Variants in GCM1 observed in about 807,000 individuals in gnomAD.
GCM1 encodes the protein GCM transcription factor 1, also known as chorion-specific transcription factor GCMa.
In GCM1, 2 loss-of-function variants were observed where a neutral mutation model predicts 25.7. That is an observed-to-expected ratio of 0.08 (90% CI 0.03 to 0.24). GCM1 has a LOEUF of 0.24. Among genes scored for constraint, GCM1 ranks in the 10% least tolerant of loss-of-function variants. The pLI, the probability that GCM1 is intolerant of heterozygous loss-of-function variation, is 1.00. For missense variants in GCM1, 395 were observed against 538.7 expected (o/e 0.73, Z 2.64); for synonymous variants, 183 against 195.7 (o/e 0.94, Z 0.54).
chr6:53,135,066 C>T (rs1430596168), intron 2 of GCM1, among the ~76,000 whole-genome samples: 1 of 152,172 alleles, frequency 6.6e-6, no homozygotes, highest in Non-Finnish European at 1.5e-5. Flanking sequence ...TGACTGAAAG[C>T]GTCTCTGTTA....
intron 2 of GCM1, among the ~76,000 whole-genome samples, chr6:53,138,668 T>C (rs1763833648): frequency 6.6e-6 from 1 of 152,244 alleles, no homozygotes; most frequent in Non-Finnish European, 1.5e-5. Context: ...TCTTTGTTTT[T>C]CCTCTTAGTT....
At chr6:53,141,504 G>T (rs759425669) in intron 2 of GCM1, among the ~76,000 whole-genome samples, 2 of 151,842 alleles carry the variant, frequency 1.3e-5, no homozygotes, top group Non-Finnish European at 2.9e-5. Flanking sequence ...TGGCTAACAC[G>T]GTGAAACCCT....
chr6:53,136,424 C>T (rs1763801125), intron 2 of GCM1, among the ~76,000 whole-genome samples: 1 of 152,170 alleles, frequency 6.6e-6, no homozygotes, highest in Non-Finnish European at 1.5e-5. Flanking sequence ...GCCTCTGTTT[C>T]CTGCTCTGTA....
intron 2 of GCM1, among the ~76,000 whole-genome samples, chr6:53,143,022 T>C (rs937620073): frequency 9.9e-5 from 15 of 152,254 alleles, no homozygotes; most frequent in African/African-American, 3.6e-4. Context: ...ATCTAATGTC[T>C]GGAAATCTTT....
In GCM1 at chr6:53,128,953, A is replaced by G; in HGVS notation, c.571-7T>C. 2 of 1,608,048 alleles carry G rather than the reference A, an allele frequency of 1.2e-6. No homozygotes were observed. Among genetic ancestry groups the G allele is most frequent in the Non-Finnish European group, 8.5e-7 (1 of 1,176,782 alleles). On this transcript the variant is annotated splice_polypyrimidine_tract_variant and splice_region_variant and intron_variant, in intron 5 of 5. Transcript: ENST00000259803. ...GTGTTTCACCTGGAAGAGACTGGAA[A>G]GGAAAGTGAAATGCTCGTGTTAATA...
chr6:53,134,909 C>T (rs759719821), intron 2 of GCM1, among the ~76,000 whole-genome samples: 18 of 152,160 alleles, frequency 1.2e-4, no homozygotes, highest in Non-Finnish European at 2.6e-4. Context: ...TATGCAATGT[C>T]GCCAGAGATA....
intron 1 of GCM1, among the ~76,000 whole-genome samples, chr6:53,148,229 A>T (rs1158296336): frequency 2.6e-5 from 4 of 152,236 alleles, no homozygotes. Context: ...TACCCTGAAC[A>T]GTAACGATAT....
At chr6:53,134,360 G>C (rs760254132) in intron 2 of GCM1, 36 bp from the exon 3 acceptor site, 1 of 1,596,802 alleles carries the variant, frequency 6.3e-7, no homozygotes, top group South Asian at 1.1e-5. Context: ...TATACTTTAA[G>C]CTAGAAAACA....
intron 2 of GCM1, among the ~76,000 whole-genome samples, chr6:53,141,305 A>G (rs1353894515): frequency 6.6e-6 from 1 of 152,248 alleles, no homozygotes; most frequent in Non-Finnish European, 1.5e-5. Flanking sequence ...TGTCAAAATT[A>G]ACCCATAAAC....
At chr6:53,135,598 G>A (rs1056224251) in intron 2 of GCM1, among the ~76,000 whole-genome samples, 7 of 152,174 alleles carry the variant, frequency 4.6e-5, no homozygotes, top group South Asian at 2.1e-4. Context: ...TTCTTAGAAT[G>A]AGAAACAGCA....
In GCM1 at chr6:53,128,028, C is replaced by CAAAAAAAA. The variant is rs1223691364; in HGVS notation, c.*170_*177dup. On this transcript the variant is annotated 3_prime_UTR_variant, in exon 6 of 6. Transcript: ENST00000259803. Reference sequence around the variant, plus strand: ...TGGGCAAAAGAGCAAGACTCTGTCTCAAAAAAAAAAAAAAAAAAAAAAAAA... The same window carrying CAAAAAAAA: ...TGGGCAAAAGAGCAAGACTCTGTCTCAAAAAAAAAAAAAAAAAAAAAAAAAAAAAAAAA... 12,962 of 65,898 alleles carry CAAAAAAAA rather than the reference C, an allele frequency of 0.2. 2,102 individuals are homozygous for CAAAAAAAA. The highest frequency in any genetic ancestry group is 0.23 in the Non-Finnish European group (9,160 of 40,422). 4.1% of individuals were successfully genotyped at this position (65,898 alleles called of 1,614,324 possible).
chr6:53,133,331 ATGTGTGTGTGTG>A (rs5876306), intron 3 of GCM1, among the ~76,000 whole-genome samples: 2 of 145,118 alleles, frequency 1.4e-5, no homozygotes, highest in African/African-American at 2.6e-5. Flanking sequence ...CACCCGGCAA[ATGTGTGTGTGTG>A]TGTGTGTGTG....
chr6:53,139,041 T>C (rs1463112556), intron 2 of GCM1, among the ~76,000 whole-genome samples: 2 of 152,206 alleles, frequency 1.3e-5, no homozygotes, highest in Non-Finnish European at 1.5e-5. Flanking sequence ...TATTATGAAA[T>C]TGATTTTCTT....
In GCM1 at chr6:53,127,132, A is replaced by G. The variant is rs979409312; in HGVS notation, c.*1074T>C. 6.6e-6 allele frequency: 1 copy of G among 152,172 alleles called. No individual in the cohort carries two copies. 9.4% of individuals were successfully genotyped at this position (152,172 alleles called of 1,614,324 possible). On this transcript the variant is annotated 3_prime_UTR_variant, in exon 6 of 6. Coordinates refer to ENST00000259803, the MANE Select transcript of GCM1 (RefSeq NM_003643.4). ...TTCTCCAAGCAAATATTTCTCACCT[A>G]TTACAAACCCCACATTGATATAGGT...
At chr6:53,138,144 T>C (rs972380190) in intron 2 of GCM1, among the ~76,000 whole-genome samples, 5 of 151,936 alleles carry the variant, frequency 3.3e-5, no homozygotes, top group African/African-American at 9.7e-5. Context: ...TAGCCAGGCA[T>C]GGTGGCACAT....
chr6:53,142,870 CAAAAAAAAAAAAAAAA>C (rs60718730), intron 2 of GCM1, among the ~76,000 whole-genome samples: 19 of 37,536 alleles, frequency 5.1e-4, no homozygotes, highest in South Asian at 1.3e-3. Context: ...CAAGGATCTC[CAAAAAAAAAAAAAAAA>C]AAAAAAAAAA....
At chr6:53,142,848 A>G (rs1029634518) in intron 2 of GCM1, among the ~76,000 whole-genome samples, 1 of 141,864 alleles carries the variant, frequency 7.0e-6, no homozygotes, top group Admixed American at 7.4e-5. Flanking sequence ...GTTTCAGAAA[A>G]GGTAAACAAC....
chr6:53,145,832 C>G, intron 1 of GCM1, 64 bp from the exon 2 acceptor site: 1 of 488,176 alleles, frequency 2.0e-6, no homozygotes, highest in South Asian at 3.3e-5. Context: ...CCCAATGCTC[C>G]TCTGCCAGAA....
intron 2 of GCM1, among the ~76,000 whole-genome samples, chr6:53,143,198 T>C (rs1763905978): frequency 6.6e-6 from 1 of 152,238 alleles, no homozygotes; most frequent in African/African-American, 2.4e-5. Context: ...GCAATCTTAG[T>C]ACTTTTTAAT....
Sources: gnomAD v4.1 joint callset for allele counts (sites outside exome capture counted in the v4.1 genomes callset) on GRCh38, gnomAD v4.1.1 for gene constraint, MANE v1.5 for transcripts, NCBI Gene and HGNC (gene_info 2026-07-23, HGNC 2026-07-21) for gene names.